Variants in PKD1L1 observed in about 807,000 individuals in gnomAD.
PKD1L1 encodes polycystin 1 like 1, transient receptor potential channel interacting.
A neutral mutation model predicts 323.4 loss-of-function variants in PKD1L1; 236 were observed. That is an observed-to-expected ratio of 0.73 (90% CI 0.66 to 0.81). The LOEUF (loss-of-function observed/expected upper bound fraction) is 0.81. Ranked by LOEUF, PKD1L1 falls within the 40% of genes least tolerant of loss-of-function variation. PKD1L1 has a pLI of 0.00. For synonymous variants in PKD1L1, 1,344 were observed against 1,335.0 expected, an observed-to-expected ratio of 1.01 and a Z score of -0.15; for missense variants, 3,320 against 3,508.0, an observed-to-expected ratio of 0.95 and a Z score of 1.35.
At chr7:47,918,153 T>C (rs917380585) in intron 7 of PKD1L1, among the ~76,000 whole-genome samples, 4 of 152,054 alleles carry the variant, frequency 2.6e-5, no homozygotes, top group Admixed American at 1.3e-4. Context: ...ACATTTCATG[T>C]GAACAAACAC....
intron 45 of PKD1L1, among the ~76,000 whole-genome samples, chr7:47,823,585 G>A (rs57302548): frequency 6.6e-6 from 1 of 152,150 alleles, no homozygotes; most frequent in Non-Finnish European, 1.5e-5. Context: ...TTTTGGGTAG[G>A]TTGCCTCATA....
intron 3 of PKD1L1, among the ~76,000 whole-genome samples, chr7:47,938,217 A>G (rs955614538): frequency 6.6e-6 from 1 of 152,136 alleles, no homozygotes; most frequent in Admixed American, 6.5e-5. Context: ...TGGGCCTTTT[A>G]CAGATTTGTA....
chr7:47,868,385 A>G (rs1394633330), intron 24 of PKD1L1, among the ~76,000 whole-genome samples: 1 of 152,104 alleles, frequency 6.6e-6, no homozygotes, highest in Non-Finnish European at 1.5e-5. Flanking sequence ...AAACAAAACA[A>G]AACAAAAAAC....
chr7:47,922,768 C>G (rs1240813834), intron 7 of PKD1L1, among the ~76,000 whole-genome samples: 1 of 151,846 alleles, frequency 6.6e-6, no homozygotes, highest in African/African-American at 2.4e-5. Flanking sequence ...GCAGCCCCCA[C>G]CCCGGCCAGC....
chr7:47,826,263 G>A (rs1489965787), intron 45 of PKD1L1, among the ~76,000 whole-genome samples: 3 of 152,184 alleles, frequency 2.0e-5, no homozygotes, highest in Non-Finnish European at 2.9e-5. Context: ...CTTTGGAGGT[G>A]TGTGTGGTGG....
At chr7:47,883,454 G>A (rs1408316319) in intron 19 of PKD1L1, among the ~76,000 whole-genome samples, 2 of 152,114 alleles carry the variant, frequency 1.3e-5, no homozygotes, top group East Asian at 3.8e-4. Context: ...GCCTTTCTTT[G>A]CCGTGGAAAA....
At chr7:47,848,969 A>G (rs901395194) in intron 31 of PKD1L1, among the ~76,000 whole-genome samples, 1 of 152,358 alleles carries the variant, frequency 6.6e-6, no homozygotes, top group South Asian at 2.1e-4. Flanking sequence ...TATAGTTACC[A>G]ACACAGCATG....
intron 20 of PKD1L1, among the ~76,000 whole-genome samples, chr7:47,881,456 C>T (rs1583644344): frequency 6.6e-6 from 1 of 152,172 alleles, no homozygotes; most frequent in South Asian, 2.1e-4. Flanking sequence ...GTAAGGATGG[C>T]ACAATCACAT....
chr7:47,866,438 C>A lies in PKD1L1; in HGVS notation c.4073G>T (p.Arg1358Ile), dbSNP rs1194508884. 2 of 1,613,646 alleles carry A rather than the reference C, an allele frequency of 1.2e-6. No homozygotes were observed. Among genetic ancestry groups the A allele is most frequent in the Non-Finnish European group, 1.7e-6 (2 of 1,179,850 alleles). The part of the protein sequence containing the change: ...IQDALISSVC[R>I]LAFVDQEEMI... ...CCATACCTGATCTACAAAAGCCAAT[C>A]TGCATACTGAAGAAATTAATGCATC... The change falls in exon 25 of 57, where the codon AGA becomes ATA. Residue 1358 changes from arginine to isoleucine, a missense_variant. Transcript: ENST00000289672.
At chr7:47,793,899 CCT>C (rs1787012214) in intron 55 of PKD1L1, among the ~76,000 whole-genome samples, 1 of 152,086 alleles carries the variant, frequency 6.6e-6, no homozygotes. Flanking sequence ...AAAGGTGACT[CCT>C]GTTATGTTTT....
At chr7:47,877,431 G>A (rs895870434) in intron 22 of PKD1L1, 58 bp downstream of exon 22, 22 of 1,598,848 alleles carry the variant, frequency 1.4e-5, no homozygotes, top group Non-Finnish European at 9.4e-6. Flanking sequence ...TGACTGCTGT[G>A]ACTGCCAGAT....
At chr7:47,848,167 C>T (rs894857519) in intron 31 of PKD1L1, among the ~76,000 whole-genome samples, 10 of 152,054 alleles carry the variant, frequency 6.6e-5, no homozygotes, top group Non-Finnish European at 1.3e-4. Context: ...CAATACTTAC[C>T]AAAACCACAT....
chr7:47,813,455 C>A, intron 48 of PKD1L1, 162 bp from the exon 49 acceptor site: 1 of 793,182 alleles, frequency 1.3e-6, no homozygotes. Flanking sequence ...TCGTGGTCTA[C>A]AGACTCTAGC....
chr7:47,860,809 A>C, intron 26 of PKD1L1, among the ~76,000 whole-genome samples: 1 of 95,350 alleles, frequency 1.0e-5, no homozygotes, highest in East Asian at 2.9e-4. Context: ...TCAGAGATGC[A>C]CAAGAGGGAC....
chr7:47,808,601 G>C (rs1784831180), intron 51 of PKD1L1, among the ~76,000 whole-genome samples: 2 of 152,318 alleles, frequency 1.3e-5, no homozygotes, highest in African/African-American at 4.8e-5. Flanking sequence ...GGCTATATGA[G>C]ACAGCCTATT....
chr7:47,855,032 C>G lies in PKD1L1; in HGVS notation c.4709G>C (p.Arg1570Thr), dbSNP rs1188101333. 10 of 1,611,992 alleles carry G rather than the reference C, an allele frequency of 6.2e-6. No individual in the cohort carries two copies. The highest frequency in any genetic ancestry group is 8.5e-6 in the Non-Finnish European group (10 of 1,179,354). Residue 1570 changes from arginine to threonine, a missense_variant, in exon 30 of 57, where the codon AGG becomes ACG. Arg to Thr is a moderately conservative substitution (Grantham distance 71, BLOSUM62 -1). Coordinates refer to ENST00000289672, the MANE Select transcript of PKD1L1 (RefSeq NM_138295.5). The part of the protein sequence containing the change: ...EFGEEDGLDN[R>T]RNKTTFVLLR... ...TAATACAAATGTCGTTTTATTTCTCCTATTATCCTGTCATCACAAAGAAAA... is the reference window on the plus strand; with the variant it reads ...TAATACAAATGTCGTTTTATTTCTCGTATTATCCTGTCATCACAAAGAAAA...
At position 47,893,964 on chromosome 7, in the gene PKD1L1, G is replaced by A. The variant is rs760702229; in HGVS notation, c.2367C>T (p.His789=). The change falls in exon 15 of 57, where the codon CAC becomes CAT. Residue 789 remains histidine (H), a synonymous_variant. Transcript: ENST00000289672. The stretch of plus-strand genomic sequence containing the variant: ...ATGAGGTGGTCCTGGAGAAGAATAG[G>A]TGTGTGCCCTCGGAGATCACACTGA... ...APVSVISEGT[H]LFFSRTTSSP... 8 of 1,613,968 alleles carry A rather than the reference G, an allele frequency of 5.0e-6. No homozygotes were observed. Among genetic ancestry groups the A allele is most frequent in the Non-Finnish European group, 5.9e-6 (7 of 1,179,962 alleles).
chr7:47,793,906 T>C (rs959581442), intron 55 of PKD1L1, among the ~76,000 whole-genome samples: 1 of 152,194 alleles, frequency 6.6e-6, no homozygotes, highest in African/African-American at 2.4e-5. Flanking sequence ...ACTCCTGTTA[T>C]GTTTTAGCAA....
In PKD1L1 at chr7:47,840,653, C is replaced by G; in HGVS notation, c.5446-86G>C. 2.0e-6 allele frequency: 2 copies of G among 1,022,006 alleles called. No homozygotes were observed. Among genetic ancestry groups the G allele is most frequent in the Non-Finnish European group, 3.0e-6 (2 of 670,032 alleles). 63.3% of individuals were successfully genotyped at this position (1,022,006 alleles called of 1,614,324 possible). A position where few individuals can be genotyped will look rare whatever the true frequency, so the allele number is the denominator to read the frequency against. On this transcript the variant is annotated intron_variant, in intron 34 of 56. Coordinates refer to ENST00000289672, the MANE Select transcript of PKD1L1 (RefSeq NM_138295.5). The surrounding 1 kb of genome is among the most constrained non-coding windows in gnomAD (Gnocchi z 4.1). ...TGGGCAGGGCTTCCTCGCACTTTCT[C>G]CCAGCGTCCCACCCTTCCTCAAAAC... is the stretch of plus-strand genomic sequence containing the variant.
Sources: gnomAD v4.1 joint callset for allele counts (sites outside exome capture counted in the v4.1 genomes callset) on GRCh38, gnomAD v4.1.1 for gene constraint, Gnocchi (gnomAD v3.1) non-coding constraint, MANE v1.5 for transcripts, NCBI Gene and HGNC (gene_info 2026-07-23, HGNC 2026-07-21) for gene names.